The following ABTB2 variants were observed in gnomAD, a reference collection of about 807,000 sequenced individuals.
ABTB2 encodes the protein ankyrin repeat and BTB/POZ domain-containing protein 2.
A neutral mutation model predicts 104.1 loss-of-function variants in ABTB2; 56 were observed. The observed-to-expected ratio is 0.54, with a 90% CI of 0.43 to 0.67. ABTB2 has a LOEUF of 0.67. ABTB2 is among the 30% of genes least tolerant of loss of function. The pLI is 0.00. For missense variants in ABTB2, 1,279 were observed against 1,407.7 expected (o/e 0.91, Z 1.46); for synonymous variants, 606 against 608.2 (o/e 1.00, Z 0.05).
At chr11:34,321,978 CT>C (rs1855010843) in intron 1 of ABTB2, among the ~76,000 whole-genome samples, 2 of 152,192 alleles carry the variant, frequency 1.3e-5, no homozygotes, top group Non-Finnish European at 2.9e-5. Context: ...CCCATTGCTT[CT>C]GACACCGAAA....
At chr11:34,233,192 C>T (rs1340843594) in intron 1 of ABTB2, among the ~76,000 whole-genome samples, 1 of 144,578 alleles carries the variant, frequency 6.9e-6, no homozygotes, top group East Asian at 2.0e-4. Context: ...AATTAGGACA[C>T]CTGGGCTTGG....
chr11:34,343,169 C>T (rs968280732), intron 1 of ABTB2, among the ~76,000 whole-genome samples: 47 of 152,178 alleles, frequency 3.1e-4, no homozygotes, highest in African/African-American at 1.1e-3. Context: ...TAGCCATGCC[C>T]TTTCCATGTA....
At chr11:34,218,248 T>C (rs1853571781) in intron 1 of ABTB2, among the ~76,000 whole-genome samples, 1 of 152,202 alleles carries the variant, frequency 6.6e-6, no homozygotes, top group Admixed American at 6.5e-5. Flanking sequence ...TGGCTTGTCT[T>C]TTCACTCTCT....
chr11:34,164,399 C>A (rs936963484), intron 9 of ABTB2, among the ~76,000 whole-genome samples: 3 of 152,364 alleles, frequency 2.0e-5, no homozygotes, highest in African/African-American at 7.2e-5. Flanking sequence ...TGGGCTCTGG[C>A]AGCTGCAGAG....
chr11:34,171,974 C>A (rs1369280447), intron 4 of ABTB2, among the ~76,000 whole-genome samples: 1 of 152,104 alleles, frequency 6.6e-6, no homozygotes, highest in African/African-American at 2.4e-5. Flanking sequence ...TGGTCTGGAG[C>A]CTTGGTTGGG....
intron 1 of ABTB2, among the ~76,000 whole-genome samples, chr11:34,293,115 T>G (rs1029797649): frequency 6.6e-6 from 1 of 151,908 alleles, no homozygotes; most frequent in African/African-American, 2.4e-5. Flanking sequence ...GAGGGCAGAG[T>G]TGACAGGCTG....
intron 1 of ABTB2, among the ~76,000 whole-genome samples, chr11:34,277,221 T>A (rs930404360): frequency 2.0e-5 from 3 of 152,170 alleles, no homozygotes; most frequent in Non-Finnish European, 4.4e-5. Flanking sequence ...TATTTAAAAG[T>A]TCAAATGAAA....
chr11:34,256,790 C>T (rs757478089), intron 1 of ABTB2, among the ~76,000 whole-genome samples: 9 of 152,104 alleles, frequency 5.9e-5, no homozygotes, highest in Admixed American at 1.3e-4. Flanking sequence ...TCTTTCACTC[C>T]GGAGGGGACG....
At chr11:34,296,919 G>C (rs1436805619) in intron 1 of ABTB2, among the ~76,000 whole-genome samples, 1 of 152,056 alleles carries the variant, frequency 6.6e-6, no homozygotes, top group African/African-American at 2.4e-5. Flanking sequence ...AAAATGTTTT[G>C]GTTTAAAAAG....
At chr11:34,349,137 T>C (rs1239361483) in intron 1 of ABTB2, among the ~76,000 whole-genome samples, 1 of 152,174 alleles carries the variant, frequency 6.6e-6, no homozygotes, top group Non-Finnish European at 1.5e-5. Flanking sequence ...CCACAAAGTG[T>C]GTTTACATGA....
intron 1 of ABTB2, among the ~76,000 whole-genome samples, chr11:34,338,347 C>T (rs1855218099): frequency 6.6e-6 from 1 of 151,450 alleles, no homozygotes; most frequent in Admixed American, 6.6e-5. Flanking sequence ...CACCACTGCA[C>T]TCCAGTCTGG....
intron 14 of ABTB2, among the ~76,000 whole-genome samples, 171 bp downstream of exon 14, chr11:34,159,125 G>A (rs1016592555): frequency 7.9e-5 from 12 of 152,158 alleles, no homozygotes; most frequent in Admixed American, 6.5e-4. Flanking sequence ...GCCCCACAAC[G>A]GATGGCTACC....
rs1853274259 is a variant in ABTB2, at chr11:34,197,459, G to A, written c.1110C>T (p.Ala370=). ...LCPGASPARQ[A]RQPPQPITWS... is the part of the protein sequence containing the mutation. ...AAGTGATGGGCTGTGGCGGCTGGCG[G>A]GCCTGGCGGGCAGGGCTGGCACCCG... The change falls in exon 3 of 17, where the codon GCC becomes GCT. Residue 370 remains alanine (A), a synonymous_variant. Transcript: ENST00000435224. 3 of 1,592,754 alleles carry A rather than the reference G, an allele frequency of 1.9e-6. No homozygotes were observed. The highest frequency in any genetic ancestry group is 2.6e-6 in the Non-Finnish European group (3 of 1,168,964).
intron 1 of ABTB2, among the ~76,000 whole-genome samples, chr11:34,301,457 G>C (rs934175216): frequency 2.6e-5 from 4 of 152,102 alleles, no homozygotes; most frequent in Non-Finnish European, 5.9e-5. Context: ...CAAACAAAAA[G>C]CTAGCATAAA....
chr11:34,182,504 G>GGA (rs1315279450), intron 3 of ABTB2, among the ~76,000 whole-genome samples: 5 of 139,432 alleles, frequency 3.6e-5, no homozygotes, highest in African/African-American at 1.4e-4. Context: ...CTCTGGGGGG[G>GGA]GGGGGAAATT....
intron 1 of ABTB2, among the ~76,000 whole-genome samples, chr11:34,227,536 T>C (rs1360417829): frequency 6.6e-6 from 1 of 152,228 alleles, no homozygotes; most frequent in Non-Finnish European, 1.5e-5. Context: ...GGGCGAATGA[T>C]ATTCCATTGC....
At chr11:34,272,706 C>CAAAA (rs35638814) in intron 1 of ABTB2, among the ~76,000 whole-genome samples, 1,534 of 38,524 alleles carry the variant, frequency 0.04, 104 homozygotes, top group African/African-American at 0.079. Context: ...GACTCCGTCT[C>CAAAA]AAAAAAAAAA....
chr11:34,171,035 A>G lies in ABTB2; in HGVS notation c.1434T>C (p.Asp478=). The G allele has an allele frequency of 6.2e-7, 1 of 1,614,216 alleles. No homozygotes were observed. Among genetic ancestry groups the G allele is most frequent in the Non-Finnish European group, 8.5e-7 (1 of 1,180,040 alleles). The change falls in exon 5 of 17, where the codon GAT becomes GAC. Residue 478 remains aspartate (D), a synonymous_variant. Transcript: ENST00000435224. ...EHCFSSFRRL[D]ARAATEKFNQ... is the part of the protein sequence containing the mutation. ...TGAATTTTTCAGTAGCTGCTCGGGC[A>G]TCCAGCCTCCGGAAGGAACTGAAAC...
chr11:34,201,988 C>T (rs746388157), intron 2 of ABTB2, among the ~76,000 whole-genome samples: 17 of 152,200 alleles, frequency 1.1e-4, no homozygotes, highest in South Asian at 2.1e-4. Flanking sequence ...CACGTGTGCA[C>T]GCTGCACCTC....
Sources: gnomAD v4.1 joint callset for allele counts (sites outside exome capture counted in the v4.1 genomes callset) on GRCh38, gnomAD v4.1.1 for gene constraint, MANE v1.5 for transcripts, NCBI Gene and HGNC (gene_info 2026-07-23, HGNC 2026-07-21) for gene names.